FRAS1: variants seen among roughly 807,000 people sequenced by gnomAD.
FRAS1 encodes the protein extracellular matrix organizing protein FRAS1.
Under a neutral mutation model 435.2 loss-of-function variants are expected in FRAS1, and 290 were observed. The ratio of observed to expected loss-of-function variants is 0.67; its 90% CI spans 0.61 to 0.73. FRAS1 has a LOEUF of 0.73. Ranked by LOEUF, FRAS1 falls within the 30% of genes least tolerant of loss-of-function variation. FRAS1 has a pLI of 0.00. For missense variants in FRAS1, 4,860 were observed against 5,001.5 expected (o/e 0.97, Z 0.85); for synonymous variants, 1,800 against 1,851.0 (o/e 0.97, Z 0.71).
At chr4:78,303,543 G>T (rs866438684) in intron 14 of FRAS1, among the ~76,000 whole-genome samples, 6 of 152,268 alleles carry the variant, frequency 3.9e-5, no homozygotes, top group African/African-American at 1.4e-4. Flanking sequence ...TTGAGCAGTG[G>T]TTTGTAGTTC....
At chr4:78,209,903 C>G (rs1231383356) in intron 2 of FRAS1, among the ~76,000 whole-genome samples, 1 of 152,174 alleles carries the variant, frequency 6.6e-6, no homozygotes, top group African/African-American at 2.4e-5. Flanking sequence ...CAGAACAGCC[C>G]GTTGACTCTG....
intron 15 of FRAS1, among the ~76,000 whole-genome samples, chr4:78,310,021 G>A (rs1021596696): frequency 1.3e-5 from 2 of 152,146 alleles, no homozygotes; most frequent in Non-Finnish European, 2.9e-5. Flanking sequence ...CTAGCCCTTG[G>A]GAGCTGCTTG....
chr4:78,361,157 G>T (rs746164067), intron 20 of FRAS1, among the ~76,000 whole-genome samples: 28 of 152,160 alleles, frequency 1.8e-4, no homozygotes, highest in Admixed American at 9.8e-4. Flanking sequence ...ACCTTCATTT[G>T]CTCTTGCAAC....
intron 2 of FRAS1, among the ~76,000 whole-genome samples, chr4:78,135,849 G>A (rs146155691): frequency 1.4e-4 from 22 of 152,274 alleles, no homozygotes; most frequent in South Asian, 2.1e-4. Flanking sequence ...ATTTGCAATA[G>A]TCATGTTCTA....
intron 2 of FRAS1, among the ~76,000 whole-genome samples, chr4:78,098,153 G>A (rs998146644): frequency 1.3e-5 from 2 of 152,120 alleles, no homozygotes; most frequent in Admixed American, 6.5e-5. Flanking sequence ...GCAAAAATAG[G>A]AGAAGTTTGT....
At position 78,333,333 on chromosome 4, in the gene FRAS1, G is replaced by A. The variant is rs527476022; in HGVS notation, c.2199G>A (p.Gly733=). 9.9e-6 allele frequency: 16 copies of A among 1,612,488 alleles called. No homozygotes were observed. The highest frequency in any genetic ancestry group is 1.7e-5 in the Admixed American group (1 of 59,884). The change falls in exon 19 of 74, where the codon GGG becomes GGA. Residue 733 remains glycine (G), a synonymous_variant. Transcript: ENST00000512123. ...GKSPHNCTDC[G]PSHVLLDGQC... ...GCCCACATAACTGCACAGACTGTGG[G>A]CCTTCCCATGTGCTGTTGGATGGGC...
chr4:78,332,373 C>T (rs345495), intron 18 of FRAS1, among the ~76,000 whole-genome samples: 107,938 of 152,060 alleles, frequency 0.71, 38,693 homozygotes, highest in Non-Finnish European at 0.74. Context: ...CAATGGCTAC[C>T]CTTGAGAAGT....
Position 78,374,219 on chromosome 4 carries a change from A to G in FRAS1, c.3119A>G (p.Tyr1040Cys). 2 of 1,602,356 alleles carry G rather than the reference A, an allele frequency of 1.2e-6. No homozygotes were observed. Among genetic ancestry groups the G allele is most frequent in the Non-Finnish European group, 1.7e-6 (2 of 1,171,632 alleles). ...AQCVQECGKG[Y>C]FADHAKHKCT... Reference sequence around the variant, plus strand: ...TGTGTCCAGGAATGTGGGAAGGGGTACTTTGCAGATCATGCAAAGCACAAA... The same window carrying G: ...TGTGTCCAGGAATGTGGGAAGGGGTGCTTTGCAGATCATGCAAAGCACAAA... Residue 1040 changes from tyrosine to cysteine, a missense_variant, in exon 25 of 74, where the codon TAC becomes TGC. Transcript: ENST00000512123.
intron 28 of FRAS1, among the ~76,000 whole-genome samples, chr4:78,386,610 A>G (rs1732226506): frequency 6.6e-6 from 1 of 152,158 alleles, no homozygotes; most frequent in Admixed American, 6.5e-5. Context: ...TCCACTTCAA[A>G]TGATATTTTT....
At position 78,083,371 on chromosome 4, in the gene FRAS1, T is replaced by C. The variant is rs151002127; in HGVS notation, c.108+17355T>C. 1.4e-4 allele frequency among the ~76,000 whole-genome samples: 22 copies of C among 152,266 alleles called. No homozygotes were observed. In the East Asian group the frequency reaches 3.7e-3, roughly 25 times the overall value. ...CAGATCTGGGAAAGAGTCAGTCTCT[T>C]GTTCCTCTGGATGTAGTTTTATCTG... On this transcript the variant is annotated intron_variant, in intron 2 of 73. Coordinates refer to ENST00000512123, the MANE Select transcript of FRAS1 (RefSeq NM_025074.7).
intron 71 of FRAS1, 142 bp downstream of exon 71, chr4:78,534,757 C>A (rs1404579898): frequency 2.8e-6 from 2 of 713,338 alleles, no homozygotes; most frequent in South Asian, 1.8e-5. Flanking sequence ...CCAGGACAGC[C>A]AGGACTGAAT....
chr4:78,514,193 T>C (rs969205254), intron 65 of FRAS1, among the ~76,000 whole-genome samples: 1 of 152,216 alleles, frequency 6.6e-6, no homozygotes, highest in Non-Finnish European at 1.5e-5. Context: ...CAGACCCTTA[T>C]AGCCTACCTA....
intron 59 of FRAS1, 45 bp downstream of exon 59, chr4:78,489,125 C>A: frequency 6.5e-7 from 1 of 1,540,376 alleles, no homozygotes; most frequent in South Asian, 1.2e-5. Context: ...CTCTTATTGT[C>A]TTTATTTGTC....
chr4:78,475,496 C>T lies in FRAS1; in HGVS notation c.7741C>T (p.Leu2581=), dbSNP rs1719828270. The T allele has an allele frequency of 4.3e-6, 7 of 1,613,922 alleles. No individual in the cohort carries two copies. The highest frequency in any genetic ancestry group is 1.7e-5 in the Admixed American group (1 of 60,022). The change falls in exon 54 of 74, where the codon CTG becomes TTG. Residue 2581 remains leucine (L), a synonymous_variant. Transcript: ENST00000512123. ...VSVTVQRTGN[L]NQYAIVLCRT... is the part of the protein sequence containing the mutation. ...TGTCACGGTGCAGAGGACTGGGAAC[C>T]TGAACCAATATGCCATCGTCCTGTG...
intron 23 of FRAS1, 76 bp downstream of exon 23, chr4:78,370,060 T>C (rs542645687): frequency 4.3e-5 from 61 of 1,428,508 alleles, no homozygotes; most frequent in Non-Finnish European, 5.7e-5. Context: ...TAGTTTTCCA[T>C]ATTGGGAAAA....
intron 20 of FRAS1, among the ~76,000 whole-genome samples, chr4:78,358,841 G>C (rs376809): frequency 6.6e-6 from 1 of 151,996 alleles, no homozygotes; most frequent in East Asian, 1.9e-4. Context: ...ATATGATGTC[G>C]CTGCTAAAAA....
At chr4:78,156,336 T>A (rs1347088780) in intron 2 of FRAS1, among the ~76,000 whole-genome samples, 3 of 151,134 alleles carry the variant, frequency 2.0e-5, no homozygotes, top group East Asian at 3.8e-4. Flanking sequence ...TTTTTTTTTT[T>A]AGATCTCTGC....
rs571194459 is a variant in FRAS1 at position 78,092,061 on chromosome 4, A to G, written c.108+26045A>G. 1.4e-4 allele frequency among the ~76,000 whole-genome samples: 21 copies of G among 151,678 alleles called. No individual in the cohort carries two copies. In the South Asian group the frequency reaches 4.4e-3, roughly 32 times the overall value. On this transcript the variant is annotated intron_variant, in intron 2 of 73. Transcript: ENST00000512123. ...GACGTGTGGGTGGCTTGGAGGTAAG[A>G]CCTTCCCTGGCTGGTGGTTCTGGAG...
intron 38 of FRAS1, among the ~76,000 whole-genome samples, chr4:78,434,560 A>T (rs764003481): frequency 3.3e-5 from 5 of 152,244 alleles, no homozygotes; most frequent in Non-Finnish European, 5.9e-5. Context: ...ATAACATTAC[A>T]TATTACATAC....
Sources: allele counts gnomAD v4.1 joint callset (sites outside exome capture counted in the v4.1 genomes callset), GRCh38; gene constraint gnomAD v4.1.1; transcripts MANE v1.5; gene names NCBI Gene and HGNC (gene_info 2026-07-23, HGNC 2026-07-21).